The following TDP1 variants were observed in gnomAD, a reference collection of about 807,000 sequenced individuals.
TDP1 encodes tyr-DNA phosphodiesterase 1.
In TDP1, 64 loss-of-function variants were observed where a neutral mutation model predicts 81.5. The observed-to-expected ratio is 0.79, with a 90% CI of 0.64 to 0.97. The LOEUF (loss-of-function observed/expected upper bound fraction) is 0.97. Ranked by LOEUF, TDP1 falls within the 50% of genes least tolerant of loss-of-function variation. TDP1 has a pLI of 0.00. For synonymous variants in TDP1, 256 were observed against 264.3 expected (o/e 0.97, Z 0.30); for missense variants, 723 against 743.8 (o/e 0.97, Z 0.33).
chr14:89,960,512 G>A (rs1287414167), intron 2 of TDP1, among the ~76,000 whole-genome samples: 1 of 152,174 alleles, frequency 6.6e-6, no homozygotes, highest in African/African-American at 2.4e-5. Context: ...ACAACCCCTT[G>A]AAGTGGGCTG....
At chr14:89,968,586 G>A (rs527441513) in intron 5 of TDP1, among the ~76,000 whole-genome samples, 4 of 152,356 alleles carry the variant, frequency 2.6e-5, no homozygotes, top group African/African-American at 9.6e-5. Context: ...AAAGAGGCTA[G>A]AAATGTCTTT....
intron 16 of TDP1, among the ~76,000 whole-genome samples, chr14:90,039,981 A>G (rs1015516744): frequency 2.0e-5 from 3 of 152,160 alleles, no homozygotes; most frequent in Admixed American, 1.3e-4. Context: ...GTTACATGGT[A>G]CTACCTCCCC....
At chr14:89,996,535 T>A (rs577814863) in intron 14 of TDP1, among the ~76,000 whole-genome samples, 153 of 152,336 alleles carry the variant, frequency 1.0e-3, no homozygotes, top group Non-Finnish European at 1.9e-3. Context: ...GATCCTTAGA[T>A]CCGTGTGCCA....
chr14:89,954,968 A>G (rs1264523418), upstream of TDP1: 6 of 480,466 alleles, frequency 1.2e-5, no homozygotes, highest in Non-Finnish European at 2.2e-5. Context: ...CTGGAAATCC[A>G]AGCGCTTCTA....
At chr14:89,998,596 C>T (rs567422015) in intron 14 of TDP1, among the ~76,000 whole-genome samples, 49 of 151,458 alleles carry the variant, frequency 3.2e-4, no homozygotes, top group African/African-American at 1.2e-3. Context: ...CAAACACTGT[C>T]CTGTAGGGTG....
chr14:90,024,930 A>C (rs1471844083), intron 15 of TDP1, among the ~76,000 whole-genome samples: 1 of 152,178 alleles, frequency 6.6e-6, no homozygotes, highest in Non-Finnish European at 1.5e-5. Context: ...TTTTTTAGAC[A>C]TCCTTCAGAC....
chr14:90,043,309 A>AT lies in TDP1; in HGVS notation c.*168dup, dbSNP rs1236754569. On this transcript the variant is annotated 3_prime_UTR_variant, in exon 17 of 17. Coordinates refer to ENST00000335725, the MANE Select transcript of TDP1 (RefSeq NM_018319.4). ...GATGTTGGTTATACTTTTAATGGACATTAACATTCCTAATAAAGTATTAGT... is the reference window on the plus strand; with the variant it reads ...GATGTTGGTTATACTTTTAATGGACATTTAACATTCCTAATAAAGTATTAGT... 4.6e-5 allele frequency: 34 copies of AT among 746,478 alleles called. No individual in the cohort carries two copies. The South Asian group carries it at 5.3e-4, about 12-fold the overall frequency. The allele number at this position is 746,478 out of a possible 1,614,324, so 46.2% of individuals were successfully genotyped here.
At chr14:89,999,301 T>C (rs1420159446) in intron 14 of TDP1, among the ~76,000 whole-genome samples, 4 of 152,226 alleles carry the variant, frequency 2.6e-5, no homozygotes, top group Non-Finnish European at 1.5e-5. Flanking sequence ...ACAACTGATA[T>C]ATCCTTTCAT....
intron 15 of TDP1, among the ~76,000 whole-genome samples, chr14:90,027,091 T>A (rs889713393): frequency 6.6e-6 from 1 of 152,184 alleles, no homozygotes; most frequent in Non-Finnish European, 1.5e-5. Context: ...GTAAAAGTGT[T>A]CCTATTTCCC....
chr14:89,967,473 A>G, intron 5 of TDP1, 51 bp downstream of exon 5: 1 of 1,483,936 alleles, frequency 6.7e-7, no homozygotes, highest in Non-Finnish European at 9.4e-7. Context: ...AGGGGCTTTG[A>G]CACCTAAGAT....
At chr14:89,971,939 G>T (rs903671209) in intron 6 of TDP1, among the ~76,000 whole-genome samples, 4 of 151,994 alleles carry the variant, frequency 2.6e-5, no homozygotes, top group African/African-American at 9.7e-5. Context: ...TTGCATCTAA[G>T]GTCTAAACAG....
chr14:89,956,576 A>G lies in TDP1; in HGVS notation c.-230-2A>G, dbSNP rs1240018397. ...CCTTTGTCTTCAACCCATTCTCCGC[A>G]GAGTTGGAGCACACAGCTGTATTAA... On this transcript the variant is annotated splice_acceptor_variant, in intron 1 of 16. Coordinates refer to ENST00000335725, the MANE Select transcript of TDP1 (RefSeq NM_018319.4). LOFTEE classifies it low-confidence loss of function (5UTR_SPLICE). 2 of 152,258 alleles carry G rather than the reference A, an allele frequency of 1.3e-5. No individual in the cohort carries two copies. Among genetic ancestry groups the G allele is most frequent in the African/African-American group, 4.8e-5 (2 of 41,424 alleles). The allele number at this position is 152,258 out of a possible 1,614,324, so 9.4% of individuals were successfully genotyped here. A position where few individuals can be genotyped will look rare whatever the true frequency, so the allele number is the denominator to read the frequency against.
At chr14:90,035,390 C>T (rs957873082) in intron 16 of TDP1, among the ~76,000 whole-genome samples, 4 of 151,788 alleles carry the variant, frequency 2.6e-5, no homozygotes, top group African/African-American at 7.3e-5. Context: ...ATGCATATTT[C>T]GTTTTCGGTA....
chr14:89,981,336 G>C (rs1894951113), intron 8 of TDP1: 1 of 382,564 alleles, frequency 2.6e-6, no homozygotes, highest in Admixed American at 3.1e-5. Flanking sequence ...GTGCACATAT[G>C]CTAGATCCAG....
In TDP1 at chr14:90,019,325, G is replaced by C; in HGVS notation, c.1551G>C (p.Leu517=). 2 of 1,608,166 alleles carry C rather than the reference G, an allele frequency of 1.2e-6. No individual in the cohort carries two copies. Among genetic ancestry groups the C allele is most frequent in the Non-Finnish European group, 1.7e-6 (2 of 1,174,912 alleles). ...IAWFLVTSAN[L]SKAAWGALEK... ...GTCCTTGTCTCTGCAGCGCAAATCT[G>C]TCCAAGGCTGCCTGGGGAGCATTGG... is the stretch of plus-strand genomic sequence containing the variant. Residue 517 remains leucine, a synonymous_variant, in exon 15 of 17, where the codon CTG becomes CTC. Transcript: ENST00000335725.
chr14:90,032,807 T>C (rs1887432813), intron 15 of TDP1: 1 of 984,954 alleles, frequency 1.0e-6, no homozygotes. Flanking sequence ...AATGTTGGGT[T>C]GAAATGGGCT....
At position 89,989,090 on chromosome 14, in the gene TDP1, G is replaced by A. The variant is rs138711165; in HGVS notation, c.1317G>A (p.Leu439=). Residue 439 remains leucine (L), a splice_region_variant and synonymous_variant, in exon 11 of 17, where the codon TTG becomes TTA. Coordinates refer to ENST00000335725, the MANE Select transcript of TDP1 (RefSeq NM_018319.4). ...TPGKSSVPLY[L]IYPSVENVRT... is the part of the protein sequence containing the mutation. ...GAAAAAGCTCTGTTCCTCTTTACTT[G>A]GTGAGTTCTCGTCCTCATTGAGGTA... The A allele has an allele frequency of 1.9e-5, 31 of 1,613,442 alleles. No homozygotes were observed. The highest frequency in any genetic ancestry group is 3.3e-5 in the South Asian group (3 of 91,036).
chr14:89,974,501 G>A (rs1407115418), intron 6 of TDP1, among the ~76,000 whole-genome samples: 1 of 152,204 alleles, frequency 6.6e-6, no homozygotes, highest in Non-Finnish European at 1.5e-5. Flanking sequence ...AACAGGAGCT[G>A]TGTTGTAACT....
intron 5 of TDP1, among the ~76,000 whole-genome samples, chr14:89,970,279 T>C (rs916448751): frequency 2.0e-5 from 3 of 152,214 alleles, no homozygotes; most frequent in Admixed American, 2.0e-4. Context: ...TTATATTATA[T>C]TTGGAATTCA....
Sources: allele counts gnomAD v4.1 joint callset (sites outside exome capture counted in the v4.1 genomes callset), GRCh38; gene constraint gnomAD v4.1.1; transcripts MANE v1.5; gene names NCBI Gene and HGNC (gene_info 2026-07-23, HGNC 2026-07-21).